Variants in UBXN2A observed in about 807,000 individuals in gnomAD.
UBXN2A encodes UBX domain-containing protein 2A.
A neutral mutation model predicts 28.4 loss-of-function variants in UBXN2A; 28 were observed. The observed-to-expected ratio is 0.99, with a 90% CI of 0.73 to 1.35. The LOEUF (loss-of-function observed/expected upper bound fraction) is 1.35, where lower values mean the gene tolerates loss of function less well. UBXN2A is among the 40% of genes most tolerant of loss of function. The probability of loss-of-function intolerance (pLI) is 0.00; values close to 1 mark genes in which losing one functional copy is unlikely to be tolerated. For synonymous variants in UBXN2A, 97 were observed against 103.6 expected, an observed-to-expected ratio of 0.94 and a Z score of 0.39; for missense variants, 253 against 297.9, an observed-to-expected ratio of 0.85 and a Z score of 1.11.
intron 1 of UBXN2A, among the ~76,000 whole-genome samples, chr2:23,935,067 CCT>C (rs960031203): frequency 4.6e-5 from 7 of 152,024 alleles, no homozygotes; most frequent in African/African-American, 1.7e-4. Flanking sequence ...AAAGCAAGAC[CCT>C]GTCTCAAAAA....
chr2:23,968,630 G>T lies in UBXN2A; in HGVS notation c.42-2646G>T, dbSNP rs546204951. Reference sequence around the variant, plus strand: ...GGAGCTTGCAGTGAGCCGAGATTGCGCCACTGCAGTCCAGCCTGGGGGACA... The same window carrying T: ...GGAGCTTGCAGTGAGCCGAGATTGCTCCACTGCAGTCCAGCCTGGGGGACA... On this transcript the variant is annotated intron_variant, in intron 2 of 6. Transcript: ENST00000309033. 2.2e-3 allele frequency among the ~76,000 whole-genome samples: 337 copies of T among 150,098 alleles called. 1 individual carries two copies. Among genetic ancestry groups the T allele is most frequent in the Non-Finnish European group, 3.8e-3 (259 of 67,680 alleles).
intron 6 of UBXN2A, among the ~76,000 whole-genome samples, chr2:23,991,789 G>GT: frequency 6.9e-6 from 1 of 145,712 alleles, no homozygotes; most frequent in Non-Finnish European, 1.5e-5. Context: ...TTTTTTGTTT[G>GT]TTTGTTTTGT....
chr2:23,999,728 C>T lies in UBXN2A; in HGVS notation c.641C>T (p.Pro214Leu), dbSNP rs769852187. ...EKYQGSQRSP[P>L]FSLATALPVL... ...TACCAAGGATCTCAAAGAAGTCCTC[C>T]GTTTTCCCTGGCAACAGCTCTTCCT... The change falls in exon 7 of 7, where the codon CCG becomes CTG. Residue 214 changes from proline to leucine, a missense_variant. By Grantham distance (98) the Pro-to-Leu change is moderately conservative. Coordinates refer to ENST00000309033, the MANE Select transcript of UBXN2A (RefSeq NM_181713.4). 28 of 1,614,116 alleles carry T rather than the reference C, an allele frequency of 1.7e-5. No homozygotes were observed. Among genetic ancestry groups the T allele is most frequent in the South Asian group, 3.3e-5 (3 of 91,080 alleles).
Position 24,001,101 on chromosome 2 carries a change from C to T in UBXN2A, c.*1234C>T, listed in dbSNP as rs1708717841. The T allele has an allele frequency of 6.6e-6, 1 of 152,284 alleles. No individual in the cohort carries two copies. Among genetic ancestry groups the T allele is most frequent in the Non-Finnish European group, 1.5e-5 (1 of 68,076 alleles). The allele number at this position is 152,284 out of a possible 1,614,324, so 9.4% of individuals were successfully genotyped here. A position where few individuals can be genotyped will look rare whatever the true frequency, so the allele number is the denominator to read the frequency against. On this transcript the variant is annotated 3_prime_UTR_variant, in exon 7 of 7. Transcript: ENST00000309033. ...CCACCTCCCGGGTTCAAGAGATTCT[C>T]CTGCTCAGCCTCCCAAGTAGCTGGG...
At chr2:23,939,729 G>C (rs1558833866), upstream of UBXN2A, 1 of 152,398 alleles carries the variant, frequency 6.6e-6, no homozygotes, top group Non-Finnish European at 1.5e-5. Context: ...GTCTGGGCCT[G>C]ACCTTGTCAC....
At chr2:23,976,200 A>G (rs1321994378) in intron 3 of UBXN2A, among the ~76,000 whole-genome samples, 2 of 152,216 alleles carry the variant, frequency 1.3e-5, no homozygotes, top group Non-Finnish European at 1.5e-5. Flanking sequence ...AATACTGTAC[A>G]GCATAAGCGG....
In UBXN2A at chr2:23,958,295, T is replaced by G. The variant is rs768422579; in HGVS notation, c.-14-6T>G. ...CTTTTTACTTACTTTCTTTGTACTT[T>G]TACAGTAAGGCGAAAGAGAATGAAA... On this transcript the variant is annotated splice_polypyrimidine_tract_variant and splice_region_variant and intron_variant, in intron 1 of 6. Coordinates refer to ENST00000309033, the MANE Select transcript of UBXN2A (RefSeq NM_181713.4). The G allele has an allele frequency of 5.0e-6, 8 of 1,591,786 alleles. No homozygotes were observed. Among genetic ancestry groups the G allele is most frequent in the Middle Eastern group, 1.7e-4 (1 of 5,956 alleles).
At chr2:23,962,605 C>CTTTTTTTTTTT (rs1160440950) in intron 2 of UBXN2A, among the ~76,000 whole-genome samples, 2 of 130,672 alleles carry the variant, frequency 1.5e-5, no homozygotes, top group African/African-American at 2.8e-5. Flanking sequence ...TTTTTTTATT[C>CTTTTTTTTTTT]TTTTTTTTTT....
Position 23,958,235 on chromosome 2 carries a change from A to G in UBXN2A, c.-14-66A>G, listed in dbSNP as rs901231898. ...CTTTTAAGTAATACTTTAGGACTACATGGTAACTTACATATTAAGCTTTTT... is the reference window on the plus strand; with the variant it reads ...CTTTTAAGTAATACTTTAGGACTACGTGGTAACTTACATATTAAGCTTTTT... On this transcript the variant is annotated intron_variant, in intron 1 of 6. Coordinates refer to ENST00000309033, the MANE Select transcript of UBXN2A (RefSeq NM_181713.4). The G allele has an allele frequency of 1.8e-5, 24 of 1,333,452 alleles. No homozygotes were observed. In the Admixed American group the frequency reaches 3.8e-4, roughly 21 times the overall value. The allele number at this position is 1,333,452 out of a possible 1,614,324, so 82.6% of individuals were successfully genotyped here. A position where few individuals can be genotyped will look rare whatever the true frequency, so the allele number is the denominator to read the frequency against.
At chr2:23,939,394 TG>T (rs2150790715), upstream of UBXN2A, 1 of 152,320 alleles carries the variant, frequency 6.6e-6, no homozygotes, top group South Asian at 2.1e-4. Context: ...AGCGATCTCC[TG>T]GGTCAGGCAG....
intron 1 of UBXN2A, among the ~76,000 whole-genome samples, chr2:23,942,383 G>A (rs1705806425): frequency 6.9e-6 from 1 of 145,354 alleles, no homozygotes; most frequent in South Asian, 2.3e-4. Context: ...AGGGTGCTGT[G>A]ATAAAGTAGG....
chr2:23,973,339 T>C (rs921511000), intron 3 of UBXN2A, among the ~76,000 whole-genome samples: 16 of 147,020 alleles, frequency 1.1e-4, no homozygotes, highest in Admixed American at 7.6e-4. Context: ...TTTCTTTTTT[T>C]CTTTTTTTTT....
chr2:23,985,374 A>G (rs949290386), intron 6 of UBXN2A, among the ~76,000 whole-genome samples: 15 of 152,096 alleles, frequency 9.9e-5, no homozygotes, highest in Admixed American at 3.3e-4. Context: ...TCAGCGTCCA[A>G]TGTAGCTGGG....
intron 4 of UBXN2A, among the ~76,000 whole-genome samples, chr2:23,977,481 A>G (rs1707719280): frequency 2.0e-5 from 3 of 152,096 alleles, no homozygotes; most frequent in Admixed American, 1.3e-4. Flanking sequence ...CATCTCTACT[A>G]AAAATACAAA....
chr2:23,945,091 G>A (rs111502053), intron 1 of UBXN2A, among the ~76,000 whole-genome samples: 66 of 152,104 alleles, frequency 4.3e-4, no homozygotes, highest in African/African-American at 1.6e-3. Flanking sequence ...AAAAAAGGGG[G>A]GAGGGCCCTT....
chr2:23,962,081 GC>G (rs1706950852), intron 2 of UBXN2A, among the ~76,000 whole-genome samples: 1 of 152,068 alleles, frequency 6.6e-6, no homozygotes, highest in Non-Finnish European at 1.5e-5. Context: ...CTGACCTCAG[GC>G]AATCTGCCCA....
Position 24,000,201 on chromosome 2 carries a change from A to C in UBXN2A, c.*334A>C. On this transcript the variant is annotated 3_prime_UTR_variant, in exon 7 of 7. Transcript: ENST00000309033. Reference sequence around the variant, plus strand: ...TATTCACAATATTCATTCAGACATCATTCCCAGACAGCAGGGATTTATTTA... The same window carrying C: ...TATTCACAATATTCATTCAGACATCCTTCCCAGACAGCAGGGATTTATTTA... The C allele has an allele frequency of 5.1e-6, 1 of 196,740 alleles. No homozygotes were observed. The highest frequency in any genetic ancestry group is 1.0e-5 in the Non-Finnish European group (1 of 97,246). 12.2% of individuals were successfully genotyped at this position (196,740 alleles called of 1,614,324 possible).
intron 2 of UBXN2A, among the ~76,000 whole-genome samples, chr2:23,969,240 T>C (rs1231055030): frequency 1.3e-5 from 2 of 151,914 alleles, no homozygotes; most frequent in African/African-American, 2.4e-5. Flanking sequence ...ACCAGTAAAG[T>C]ATTAAACTAC....
chr2:23,946,348 T>C lies in UBXN2A; in HGVS notation c.-15+5700T>C, dbSNP rs1190931142. Among the ~76,000 whole-genome samples the C allele has an allele frequency of 4.7e-5, 7 of 149,550 alleles. 1 individual carries two copies. The South Asian group carries it at 1.3e-3, about 27-fold the overall frequency. ...TTTGTTTTTTGTTGTTTTTTTTTTT[T>C]ACTCACTCTGTCACCAGGCTGGAGT... On this transcript the variant is annotated intron_variant, in intron 1 of 6. Coordinates refer to ENST00000309033, the MANE Select transcript of UBXN2A (RefSeq NM_181713.4).
Sources: allele counts gnomAD v4.1 joint callset (sites outside exome capture counted in the v4.1 genomes callset), GRCh38; gene constraint gnomAD v4.1.1; transcripts MANE v1.5; gene names NCBI Gene and HGNC (gene_info 2026-07-23, HGNC 2026-07-21).